Variants in AGO2 observed in about 807,000 individuals in gnomAD.
The protein encoded by AGO2 is protein argonaute-2.
Under a neutral mutation model 102.3 loss-of-function variants are expected in AGO2, and 5 were observed. That is an observed-to-expected ratio of 0.05 (90% CI 0.03 to 0.10). The LOEUF (loss-of-function observed/expected upper bound fraction) is 0.10. Among genes scored for constraint, AGO2 ranks in the 10% least tolerant of loss-of-function variants. The probability of loss-of-function intolerance (pLI) is 1.00; values close to 1 mark genes in which losing one functional copy is unlikely to be tolerated. For missense variants in AGO2, 541 were observed against 1,183.7 expected, an observed-to-expected ratio of 0.46 and a Z score of 7.97; for synonymous variants, 449 against 473.1, an observed-to-expected ratio of 0.95 and a Z score of 0.66.
At chr8:140,581,937 T>C (rs572909035) in intron 2 of AGO2, among the ~76,000 whole-genome samples, 1 of 152,084 alleles carries the variant, frequency 6.6e-6, no homozygotes, top group Non-Finnish European at 1.5e-5. Flanking sequence ...ACCCCCAAAA[T>C]CAACACTATA....
intron 6 of AGO2, among the ~76,000 whole-genome samples, chr8:140,559,050 G>A (rs2073151920): frequency 6.6e-6 from 1 of 152,160 alleles, no homozygotes; most frequent in African/African-American, 2.4e-5. Flanking sequence ...GCCGGGCTGT[G>A]TAAGGATTAA....
chr8:140,610,362 T>G (rs2074060040), intron 1 of AGO2, among the ~76,000 whole-genome samples: 1 of 151,982 alleles, frequency 6.6e-6, no homozygotes, highest in Non-Finnish European at 1.5e-5. Flanking sequence ...GGATTACAGG[T>G]GCCCACCACC....
At chr8:140,547,157 G>C (rs993669647) in intron 13 of AGO2, among the ~76,000 whole-genome samples, 103 of 152,214 alleles carry the variant, frequency 6.8e-4, no homozygotes, top group African/African-American at 2.3e-3. Flanking sequence ...TGCTGAGCCA[G>C]GGAAGCCCAT....
rs1306164275 is a variant in AGO2, at chr8:140,523,996, C to T, written c.*8048G>A. The T allele has an allele frequency of 6.6e-6, 1 of 152,208 alleles. No homozygotes were observed. Among genetic ancestry groups the T allele is most frequent in the Non-Finnish European group, 1.5e-5 (1 of 68,040 alleles). 9.4% of individuals were successfully genotyped at this position (152,208 alleles called of 1,614,324 possible). A position where few individuals can be genotyped will look rare whatever the true frequency, so the allele number is the denominator to read the frequency against. ...TCTCAGGCCATTGGCCAAGAAACTGCTCAATACCTGGCTTGAAAAAGCTAG... is the reference window on the plus strand; with the variant it reads ...TCTCAGGCCATTGGCCAAGAAACTGTTCAATACCTGGCTTGAAAAAGCTAG... On this transcript the variant is annotated 3_prime_UTR_variant, in exon 19 of 19. Coordinates refer to ENST00000220592, the MANE Select transcript of AGO2 (RefSeq NM_012154.5).
At chr8:140,580,784 T>C (rs2073545131) in intron 2 of AGO2, among the ~76,000 whole-genome samples, 1 of 152,264 alleles carries the variant, frequency 6.6e-6, no homozygotes, top group Non-Finnish European at 1.5e-5. Flanking sequence ...TGATTGATTA[T>C]AATTTTGAGA....
In AGO2 at chr8:140,557,734, T is replaced by C. The variant is rs1244030053; in HGVS notation, c.879-498A>G. ...GGAGGCCCACAGGCACAGGAAGGGT[T>C]GGCCTCTGTGTGGGGATGAGGGCAC... On this transcript the variant is annotated intron_variant, in intron 7 of 18. Coordinates refer to ENST00000220592, the MANE Select transcript of AGO2 (RefSeq NM_012154.5). This position sits in a 1 kb window ranked among gnomAD's most constrained non-coding sequence, Gnocchi z 5.9. 6.6e-6 allele frequency among the ~76,000 whole-genome samples: 1 copy of C among 152,166 alleles called. No individual in the cohort carries two copies. Among genetic ancestry groups the C allele is most frequent in the Admixed American group, 6.5e-5 (1 of 15,280 alleles).
At chr8:140,595,432 T>C (rs1168482293) in intron 1 of AGO2, among the ~76,000 whole-genome samples, 2 of 151,790 alleles carry the variant, frequency 1.3e-5, no homozygotes, top group Non-Finnish European at 2.9e-5. Flanking sequence ...CTCTTCTCTA[T>C]GCTTCTATTT....
chr8:140,603,477 G>A (rs2073957683), intron 1 of AGO2, among the ~76,000 whole-genome samples: 1 of 152,156 alleles, frequency 6.6e-6, no homozygotes, highest in Non-Finnish European at 1.5e-5. Context: ...CCCAATTCCT[G>A]GGCACCTTCG....
chr8:140,545,783 G>A (rs1011233675), intron 13 of AGO2, among the ~76,000 whole-genome samples: 1 of 152,188 alleles, frequency 6.6e-6, no homozygotes, highest in Non-Finnish European at 1.5e-5. Context: ...CTCCCACTCT[G>A]TGCCCCTGCC....
intron 1 of AGO2, among the ~76,000 whole-genome samples, chr8:140,600,680 CA>C (rs34175261): frequency 3.8e-3 from 494 of 128,756 alleles, no homozygotes; most frequent in Admixed American, 4.3e-3. Context: ...AACTCCGTGT[CA>C]AAAAAAAAAA....
chr8:140,609,281 C>G (rs1466420176), intron 1 of AGO2, among the ~76,000 whole-genome samples: 1 of 152,248 alleles, frequency 6.6e-6, no homozygotes, highest in South Asian at 2.1e-4. Context: ...GGAATTTCCA[C>G]GAGCAGAAAC....
intron 1 of AGO2, among the ~76,000 whole-genome samples, chr8:140,596,974 G>C (rs1012881997): frequency 6.6e-6 from 1 of 152,216 alleles, no homozygotes; most frequent in Non-Finnish European, 1.5e-5. Flanking sequence ...GTGCAGACAG[G>C]CACCCTGGCC....
At chr8:140,586,966 T>C (rs1261632503) in intron 1 of AGO2, among the ~76,000 whole-genome samples, 1 of 152,082 alleles carries the variant, frequency 6.6e-6, no homozygotes, top group African/African-American at 2.4e-5. Flanking sequence ...CTCACAACCA[T>C]ACCACAAAGG....
chr8:140,566,893 G>A (rs554506877), intron 3 of AGO2, among the ~76,000 whole-genome samples: 2 of 152,320 alleles, frequency 1.3e-5, no homozygotes, highest in East Asian at 1.9e-4. Context: ...GAAACAGCAC[G>A]TCCAGGTCAC....
rs935641651 is a variant in AGO2 at position 140,574,766 on chromosome 8, G to A, written c.216-1834C>T. ...GCTCAGGGGATGTGGTAAAGAGCGA[G>A]AGAGGAGTCCACCAGCAGGGTAAGG... On this transcript the variant is annotated intron_variant, in intron 2 of 18. Transcript: ENST00000220592. 5.3e-5 allele frequency among the ~76,000 whole-genome samples: 8 copies of A among 152,270 alleles called. No individual in the cohort carries two copies. In the South Asian group the frequency reaches 1.7e-3, roughly 32 times the overall value.
In AGO2 at chr8:140,541,303, T is replaced by A; in HGVS notation, c.1895A>T (p.Gln632Leu). 6.2e-7 allele frequency: 1 copy of A among 1,613,458 alleles called. No homozygotes were observed. Among genetic ancestry groups the A allele is most frequent in the Non-Finnish European group, 8.5e-7 (1 of 1,179,902 alleles). The stretch of plus-strand genomic sequence containing the variant: ...TTGTATGATCTCCTGCCGGTGCTGC[T>A]GCACGCGCACGGTGGCGCAGTAGCG... ...PNRYCATVRV[Q>L]QHRQEIIQDL... Residue 632 changes from glutamine (Q) to leucine (L), a missense_variant, in exon 15 of 19, where the codon CAG becomes CTG. Gln to Leu is a moderately radical substitution (Grantham distance 113). Transcript: ENST00000220592.
rs1588438484 is a variant in AGO2 at position 140,539,788 on chromosome 8, A to T, written c.2035-334T>A. Among the ~76,000 whole-genome samples, 7 of 152,352 alleles carry T rather than the reference A, an allele frequency of 4.6e-5. No homozygotes were observed. In the South Asian group the frequency reaches 1.4e-3, roughly 32 times the overall value. On this transcript the variant is annotated intron_variant, in intron 15 of 18. Transcript: ENST00000220592. This position sits in a 1 kb window ranked among gnomAD's most constrained non-coding sequence, Gnocchi z 4.7. ...ACATGCAGAGGCCAAGCTCCTGCAG[A>T]AGCTCAGGGCAGGCTTTGGGCTGGG... is the stretch of plus-strand genomic sequence containing the variant.
intron 1 of AGO2, among the ~76,000 whole-genome samples, chr8:140,587,572 CAG>C (rs1047252142): frequency 2.6e-5 from 4 of 152,196 alleles, no homozygotes; most frequent in Non-Finnish European, 5.9e-5. Context: ...CAAGAGGAGA[CAG>C]AGCAGAAGTG....
chr8:140,563,368 C>A (rs1257966476), intron 3 of AGO2, among the ~76,000 whole-genome samples: 1 of 152,122 alleles, frequency 6.6e-6, no homozygotes, highest in African/African-American at 2.4e-5. Context: ...GTAGCTGGAA[C>A]TACAGGCACA....
Sources: allele counts gnomAD v4.1 joint callset (sites outside exome capture counted in the v4.1 genomes callset), GRCh38; gene constraint gnomAD v4.1.1; non-coding constraint Gnocchi (gnomAD v3.1); transcripts MANE v1.5; gene names NCBI Gene and HGNC (gene_info 2026-07-23, HGNC 2026-07-21).